Variants in NREP observed in about 807,000 individuals in gnomAD.
NREP encodes neuronal regeneration related protein.
A neutral mutation model predicts 8.6 loss-of-function variants in NREP; 5 were observed. The ratio of observed to expected loss-of-function variants is 0.58; its 90% CI spans 0.30 to 1.22. The LOEUF is 1.22. Ranked by LOEUF, NREP falls within the 50% of genes most tolerant of loss-of-function variation. The pLI, the probability that NREP is intolerant of heterozygous loss-of-function variation, is 0.07. For synonymous variants in NREP, 27 were observed against 28.0 expected (o/e 0.96, Z 0.11); for missense variants, 86 against 82.5 (o/e 1.04, Z -0.17).
intron 2 of NREP, among the ~76,000 whole-genome samples, chr5:111,814,894 G>A (rs530783033): frequency 3.3e-5 from 5 of 151,220 alleles, no homozygotes; most frequent in Non-Finnish European, 4.4e-5. Context: ...ATAAGGAAGC[G>A]TTGAGGTCAG....
At chr5:111,762,107 G>A (rs754782576), upstream of NREP, among the ~76,000 whole-genome samples, 5 of 152,124 alleles carry the variant, frequency 3.3e-5, no homozygotes, top group Non-Finnish European at 7.4e-5. Flanking sequence ...CATGGGAAAG[G>A]AAAAGAGGGA....
At chr5:111,829,894 T>C (rs557287616) in intron 2 of NREP, among the ~76,000 whole-genome samples, 20 of 152,288 alleles carry the variant, frequency 1.3e-4, no homozygotes, top group African/African-American at 4.6e-4. Context: ...AGATGAGGTA[T>C]TGACTACTAT....
intron 1 of NREP, chr5:111,756,231 T>C (rs1306827860): frequency 1.0e-6 from 1 of 993,310 alleles, no homozygotes; most frequent in African/African-American, 1.8e-5. Flanking sequence ...CCTTCCACCG[T>C]GTAGTGTAAT....
intron 3 of NREP, 199 bp downstream of exon 3, chr5:111,735,231 G>C: frequency 4.6e-6 from 2 of 436,140 alleles, no homozygotes; most frequent in Non-Finnish European, 8.2e-6. Context: ...ATTTATGAAG[G>C]AAGATAATGT....
At chr5:111,758,324 A>G (rs1045501604), upstream of NREP, 4 of 893,612 alleles carry the variant, frequency 4.5e-6, no homozygotes, top group Non-Finnish European at 5.4e-6. Flanking sequence ...CTCCTTCCCT[A>G]TACGCTCCCC....
chr5:111,962,994 C>A (rs894154329), intron 2 of NREP, among the ~76,000 whole-genome samples: 4 of 152,240 alleles, frequency 2.6e-5, no homozygotes, highest in African/African-American at 9.6e-5. Flanking sequence ...GAGCTTGGGA[C>A]CCAACATGTG....
At chr5:111,796,263 C>T (rs978438667) in intron 2 of NREP, among the ~76,000 whole-genome samples, 5 of 152,142 alleles carry the variant, frequency 3.3e-5, no homozygotes, top group Non-Finnish European at 7.4e-5. Flanking sequence ...CTCACACCTC[C>T]TGCTCTGACT....
At chr5:111,912,883 T>C (rs547843281) in intron 2 of NREP, among the ~76,000 whole-genome samples, 2 of 152,252 alleles carry the variant, frequency 1.3e-5, no homozygotes, top group South Asian at 2.1e-4. Flanking sequence ...CTAGGTAAAG[T>C]AGAATATTAT....
At chr5:111,756,254 A>G (rs554918457) in intron 1 of NREP, 33 of 958,460 alleles carry the variant, frequency 3.4e-5, no homozygotes, top group Non-Finnish European at 3.9e-5. Flanking sequence ...CTCAGAGTGG[A>G]TATTTTTGGA....
At chr5:111,839,262 G>C (rs1561688012) in intron 2 of NREP, among the ~76,000 whole-genome samples, 1 of 152,072 alleles carries the variant, frequency 6.6e-6, no homozygotes. Context: ...GCTATGATGT[G>C]GTTGTCTCTC....
chr5:111,791,159 G>A (rs1006787401), intron 2 of NREP, among the ~76,000 whole-genome samples: 11 of 152,066 alleles, frequency 7.2e-5, no homozygotes, highest in Non-Finnish European at 1.5e-4. Context: ...TATGCACTGT[G>A]GAATCATTAA....
chr5:111,938,482 A>G (rs1444658661), intron 2 of NREP, among the ~76,000 whole-genome samples: 2 of 152,096 alleles, frequency 1.3e-5, no homozygotes, highest in Non-Finnish European at 2.9e-5. Context: ...TAAAATTTCA[A>G]GATTCATTTT....
chr5:111,776,049 A>G (rs1174208185), intron 2 of NREP, among the ~76,000 whole-genome samples: 1 of 152,188 alleles, frequency 6.6e-6, no homozygotes, highest in Non-Finnish European at 1.5e-5. Flanking sequence ...ACATTTGATG[A>G]TTTACTGTCA....
intron 2 of NREP, among the ~76,000 whole-genome samples, chr5:111,970,758 G>A (rs1225839019): frequency 2.0e-5 from 3 of 146,904 alleles, no homozygotes; most frequent in African/African-American, 7.5e-5. Flanking sequence ...CCCAGGAGGC[G>A]GAGGTTGCAG....
chr5:111,796,497 C>A (rs529351000), intron 2 of NREP, among the ~76,000 whole-genome samples: 1 of 152,260 alleles, frequency 6.6e-6, no homozygotes, highest in Admixed American at 6.5e-5. Flanking sequence ...AGTCTCTAAG[C>A]CGAGAAGGCA....
At chr5:111,888,043 A>G (rs937445970) in intron 2 of NREP, among the ~76,000 whole-genome samples, 1 of 152,224 alleles carries the variant, frequency 6.6e-6, no homozygotes, top group African/African-American at 2.4e-5. Flanking sequence ...GTAGTATTGA[A>G]GGAAAACAAT....
chr5:111,825,710 A>C (rs1218047270), intron 2 of NREP, among the ~76,000 whole-genome samples: 2 of 152,194 alleles, frequency 1.3e-5, no homozygotes, highest in Admixed American at 1.3e-4. Flanking sequence ...ACTGCAGCCC[A>C]AAACTTAGCC....
intron 2 of NREP, among the ~76,000 whole-genome samples, chr5:111,864,465 T>C (rs529368706): frequency 5.9e-5 from 9 of 152,204 alleles, no homozygotes; most frequent in Admixed American, 2.0e-4. Flanking sequence ...AAAGTAGCTA[T>C]TGGGGAAGGG....
intron 2 of NREP, among the ~76,000 whole-genome samples, chr5:111,799,124 T>C (rs1395312797): frequency 6.6e-6 from 1 of 152,228 alleles, no homozygotes; most frequent in Non-Finnish European, 1.5e-5. Context: ...TCCATTGGTC[T>C]ATGTGCCTAT....
Sources: allele counts gnomAD v4.1 joint callset (sites outside exome capture counted in the v4.1 genomes callset), GRCh38; gene constraint gnomAD v4.1.1; transcripts MANE v1.5; gene names NCBI Gene and HGNC (gene_info 2026-07-23, HGNC 2026-07-21).